The following TMC3 variants were observed in gnomAD, a reference collection of about 807,000 sequenced individuals.
The protein encoded by TMC3 is transmembrane channel like 3.
In TMC3, 98 loss-of-function variants were observed where a neutral mutation model predicts 110.6. The ratio of observed to expected loss-of-function variants is 0.89; its 90% CI spans 0.75 to 1.05. The LOEUF is 1.05. Among genes scored for constraint, TMC3 ranks in the 50% least tolerant of loss-of-function variants. The pLI is 0.00. For missense variants in TMC3, 1,319 were observed against 1,373.2 expected, an observed-to-expected ratio of 0.96 and a Z score of 0.62; for synonymous variants, 489 against 513.1, an observed-to-expected ratio of 0.95 and a Z score of 0.63.
chr15:81,340,208 GTCTC>G lies in TMC3; in HGVS notation c.1845-708_1845-705del, dbSNP rs567299755. Among the ~76,000 whole-genome samples, 266 of 131,538 alleles carry G rather than the reference GTCTC, an allele frequency of 2.0e-3. 3 individuals carry two copies. The highest frequency in any genetic ancestry group is 9.0e-3 in the African/African-American group (259 of 28,694). 86.3% of individuals were successfully genotyped at this position (131,538 alleles called of 152,430 possible). On this transcript the variant is annotated intron_variant, in intron 16 of 21. Transcript: ENST00000359440. ...GTACTCTCTGTTGGTCTGTTTCTCT[GTCTC>G]TCTCTGTCTCTGTCTCTCTCTCTCT...
intron 21 of TMC3, 77 bp downstream of exon 21, chr15:81,334,641 GCC>G: frequency 6.7e-7 from 1 of 1,503,148 alleles, no homozygotes; most frequent in Non-Finnish European, 8.9e-7. Flanking sequence ...GAATTTAATG[GCC>G]TTGGCCTCCT....
In TMC3 at chr15:81,332,733, T is replaced by G. The variant is rs759334266; in HGVS notation, c.2989A>C (p.Asn997His). 9 of 1,613,554 alleles carry G rather than the reference T, an allele frequency of 5.6e-6. No homozygotes were observed. The highest frequency in any genetic ancestry group is 1.3e-5 in the African/African-American group (1 of 74,904). Residue 997 changes from asparagine (N) to histidine (H), a missense_variant, in exon 22 of 22, where the codon AAT (asparagine) becomes CAT (histidine). Physicochemically the swap from Asn to His is moderately conservative, Grantham distance 68. Coordinates refer to ENST00000359440, the MANE Select transcript of TMC3 (RefSeq NM_001080532.3). ...TCAAGGTGACCCTCAAAATCTTCATTCCACGACTTGTAGTGCACCCTCCCC... is the reference window on the plus strand; with the variant it reads ...TCAAGGTGACCCTCAAAATCTTCATGCCACGACTTGTAGTGCACCCTCCCC... The part of the protein sequence containing the change: ...HQGRVHYKSW[N>H]EDFEGHLERP...
At chr15:81,362,416 T>TG (rs5814058) in intron 3 of TMC3, 115 bp from the exon 4 acceptor site, 279,663 of 753,474 alleles carry the variant, frequency 0.37, 60,697 homozygotes, top group African/African-American at 0.71. Flanking sequence ...CCTTTAATTA[T>TG]GATTATGGCT....
At position 81,341,449 on chromosome 15, in the gene TMC3, C is replaced by T. The variant is rs1334004430; in HGVS notation, c.1785G>A (p.Leu595=). ...TGCAGGTCAGCACAGCCCAGCTTCTCAGGTACATGAGCCCAATGAGTTTGA... is the reference window on the plus strand; with the variant it reads ...TGCAGGTCAGCACAGCCCAGCTTCTTAGGTACATGAGCCCAATGAGTTTGA... The part of the protein sequence containing the change: ...NVLKLIGLMY[L]RSWAVLTCNV... Residue 595 remains leucine, a synonymous_variant, in exon 16 of 22, where the codon CTG becomes CTA. Coordinates refer to ENST00000359440, the MANE Select transcript of TMC3 (RefSeq NM_001080532.3). The T allele has an allele frequency of 3.1e-6, 5 of 1,611,784 alleles. No individual in the cohort carries two copies. Among genetic ancestry groups the T allele is most frequent in the Non-Finnish European group, 4.2e-6 (5 of 1,178,900 alleles).
In TMC3 at chr15:81,332,921, C is replaced by T. The variant is rs1028770773; in HGVS notation, c.2801G>A (p.Arg934His). ...NVRQYASRVP[R>H]QPPSPQLSEE... The stretch of plus-strand genomic sequence containing the variant: ...ACTCAGCTGTGGGGAGGGAGGCTGG[C>T]GGGGGACCCGGGATGCATATTGTCG... The change falls in exon 22 of 22, where the codon CGC (arginine) becomes CAC (histidine). Residue 934 changes from arginine (R) to histidine (H), a missense_variant. Transcript: ENST00000359440. The T allele has an allele frequency of 5.0e-6, 8 of 1,612,068 alleles. No individual in the cohort carries two copies. Among genetic ancestry groups the T allele is most frequent in the South Asian group, 4.4e-5 (4 of 90,984 alleles).
intron 7 of TMC3, among the ~76,000 whole-genome samples, chr15:81,357,573 G>C (rs768822775): frequency 6.6e-6 from 1 of 152,000 alleles, no homozygotes; most frequent in East Asian, 1.9e-4. Context: ...TCTCACAGTC[G>C]GGGTGGTGCA....
At chr15:81,372,521 A>G in intron 2 of TMC3, 70 bp downstream of exon 2, 2 of 1,593,994 alleles carry the variant, frequency 1.3e-6, no homozygotes, top group Non-Finnish European at 1.7e-6. Context: ...CCTCGTTCCC[A>G]TGGGCAAGGC....
rs1489730956 is a variant in TMC3 at position 81,332,882 on chromosome 15, T to G, written c.2840A>C (p.Glu947Ala). ...PSPQLSEEEEETPSRDWIKRS... is the reference protein window; with the variant it reads ...PSPQLSEEEEATPSRDWIKRS... ...TTTGATCCAATCTCTGCTTGGCGTC[T>G]CCTCCTCTTCTTCACTCAGCTGTGG... The change falls in exon 22 of 22, where the codon GAG becomes GCG. Residue 947 changes from glutamate to alanine, a missense_variant. Physicochemically the swap from Glu to Ala is moderately radical, Grantham distance 107 (BLOSUM62 -1). Coordinates refer to ENST00000359440, the MANE Select transcript of TMC3 (RefSeq NM_001080532.3). 1 of 1,613,306 alleles carries G rather than the reference T, an allele frequency of 6.2e-7. No homozygotes were observed.
intron 2 of TMC3, among the ~76,000 whole-genome samples, 194 bp downstream of exon 2, chr15:81,372,397 C>A (rs1165361586): frequency 7.2e-6 from 1 of 139,096 alleles, no homozygotes; most frequent in South Asian, 2.2e-4. Flanking sequence ...CACACACACA[C>A]ACACACACAC....
At chr15:81,365,670 C>CAAA (rs398043535) in intron 3 of TMC3, among the ~76,000 whole-genome samples, 1 of 82,186 alleles carries the variant, frequency 1.2e-5, no homozygotes, top group Non-Finnish European at 2.6e-5. Context: ...GACTCTGTCT[C>CAAA]AAAAAAAAAA....
intron 3 of TMC3, among the ~76,000 whole-genome samples, chr15:81,367,223 T>A (rs947479934): frequency 6.6e-6 from 1 of 152,194 alleles, no homozygotes; most frequent in Non-Finnish European, 1.5e-5. Context: ...ATTAAATTAA[T>A]ATACATTTAT....
At position 81,358,336 on chromosome 15, in the gene TMC3, G is replaced by T. The variant is rs1216191563; in HGVS notation, c.601-45C>A. 2.5e-6 allele frequency: 4 copies of T among 1,597,620 alleles called. No individual in the cohort carries two copies. In the African/African-American group the frequency reaches 5.4e-5, roughly 21 times the overall value. On this transcript the variant is annotated intron_variant, in intron 6 of 21. Coordinates refer to ENST00000359440, the MANE Select transcript of TMC3 (RefSeq NM_001080532.3). ...TGTCATTTCTGCTTCCCGTTCCCAG[G>T]TCTCAGAACTGTGGCCCATTCACCC... is the stretch of plus-strand genomic sequence containing the variant.
intron 3 of TMC3, among the ~76,000 whole-genome samples, chr15:81,364,164 A>G (rs1208502198): frequency 1.3e-5 from 2 of 148,838 alleles, no homozygotes; most frequent in African/African-American, 5.0e-5. Flanking sequence ...GGGTAAAAAA[A>G]TCTCCCCCAC....
chr15:81,365,395 G>A (rs28619331), intron 3 of TMC3, among the ~76,000 whole-genome samples: 14,851 of 151,904 alleles, frequency 0.098, 810 homozygotes, highest in African/African-American at 0.2. Context: ...AAAAAGGGCC[G>A]GGCGCGATGG....
intron 17 of TMC3, 137 bp from the exon 18 acceptor site, chr15:81,338,917 G>A: frequency 1.1e-6 from 1 of 938,938 alleles, no homozygotes; most frequent in Admixed American, 2.2e-5. Context: ...TTAATATGGA[G>A]GATGGAAGAT....
chr15:81,336,545 G>A (rs1485712783), intron 20 of TMC3, 64 bp downstream of exon 20: 3 of 1,533,274 alleles, frequency 2.0e-6, no homozygotes, highest in South Asian at 2.2e-5. Flanking sequence ...TCCAGCCTGG[G>A]CGACAGAGCA....
At chr15:81,357,980 G>A (rs1037754712) in intron 7 of TMC3, among the ~76,000 whole-genome samples, 169 bp downstream of exon 7, 4 of 152,084 alleles carry the variant, frequency 2.6e-5, no homozygotes, top group Non-Finnish European at 5.9e-5. Flanking sequence ...TAACTTTACA[G>A]GGCTATTGAC....
chr15:81,366,922 CTT>C (rs947216695), intron 3 of TMC3, among the ~76,000 whole-genome samples: 6 of 152,062 alleles, frequency 3.9e-5, no homozygotes, highest in African/African-American at 1.4e-4. Context: ...GTTATTGTCT[CTT>C]AAGATAACAA....
chr15:81,353,666 T>C (rs1190560090), intron 9 of TMC3, among the ~76,000 whole-genome samples: 1 of 152,232 alleles, frequency 6.6e-6, no homozygotes, highest in Non-Finnish European at 1.5e-5. Context: ...AGCCTAGGTG[T>C]GTAGTAGGCT....
Sources: allele counts gnomAD v4.1 joint callset (sites outside exome capture counted in the v4.1 genomes callset), GRCh38; gene constraint gnomAD v4.1.1; transcripts MANE v1.5; gene names NCBI Gene and HGNC (gene_info 2026-07-23, HGNC 2026-07-21).